The following LYST variants were observed in gnomAD, a reference collection of about 807,000 sequenced individuals.
LYST encodes lysosomal trafficking regulator.
In LYST, 192 loss-of-function variants were observed where a neutral mutation model predicts 413.6. The ratio of observed to expected loss-of-function variants is 0.46; its 90% CI spans 0.41 to 0.52. The LOEUF is 0.52. Ranked by LOEUF, LYST falls within the 20% of genes least tolerant of loss-of-function variation. LYST has a pLI of 0.00. For missense variants in LYST, 3,815 were observed against 4,499.9 expected (o/e 0.85, Z 4.35); for synonymous variants, 1,525 against 1,567.3 (o/e 0.97, Z 0.64).
intron 17 of LYST, among the ~76,000 whole-genome samples, chr1:235,775,508 C>G (rs1333338321): frequency 6.6e-6 from 1 of 152,160 alleles, no homozygotes; most frequent in Non-Finnish European, 1.5e-5. Flanking sequence ...ACATGTCCTG[C>G]CTTGTATGTC....
intron 45 of LYST, among the ~76,000 whole-genome samples, chr1:235,699,697 G>A (rs187871628): frequency 1.1e-4 from 17 of 152,204 alleles, no homozygotes; most frequent in Non-Finnish European, 2.1e-4. Flanking sequence ...TCCCACTAAC[G>A]GTGTAAAAGC....
Position 235,788,818 on chromosome 1 carries a change from T to A in LYST, c.4571A>T (p.Tyr1524Phe). The A allele has an allele frequency of 6.2e-7, 1 of 1,613,764 alleles. No individual in the cohort carries two copies. Among genetic ancestry groups the A allele is most frequent in the Non-Finnish European group, 8.5e-7 (1 of 1,179,694 alleles). ...TATGAGTCTTTCACCAGGATTTATG[T>A]ACTCTGCACCTTCTGGTCTGTCGCT... ...TESDRPEGAE[Y>F]INPGERLIEE... The change falls in exon 13 of 53, where the codon TAC becomes TTC. Residue 1524 changes from tyrosine (Y) to phenylalanine (F), a missense_variant. Tyr to Phe is a conservative substitution (Grantham distance 22, BLOSUM62 3). Coordinates refer to ENST00000389793, the MANE Select transcript of LYST (RefSeq NM_000081.4).
intron 29 of LYST, among the ~76,000 whole-genome samples, chr1:235,744,918 GAGAA>G (rs907311656): frequency 3.3e-5 from 5 of 150,206 alleles, no homozygotes; most frequent in Non-Finnish European, 7.4e-5. Context: ...AAAAAAAAGA[GAGAA>G]AGAAAAGTAA....
At chr1:235,687,797 T>G (rs1374326765) in intron 47 of LYST, among the ~76,000 whole-genome samples, 1 of 152,154 alleles carries the variant, frequency 6.6e-6, no homozygotes, top group Non-Finnish European at 1.5e-5. Context: ...CACCTCAACA[T>G]GTTTCCCTGT....
In LYST at chr1:235,755,553, A is replaced by C; in HGVS notation, c.7154T>G (p.Leu2385Arg). Residue 2385 changes from leucine (L) to arginine (R), a missense_variant, in exon 25 of 53, where the codon CTT (leucine) becomes CGT (arginine). Physicochemically the swap from Leu to Arg is moderately radical, Grantham distance 102. This residue lies in a region of LYST where 771 missense variants were observed against 837.1 expected (regional missense o/e 0.92). Coordinates refer to ENST00000389793, the MANE Select transcript of LYST (RefSeq NM_000081.4). ...TAACAATTCTTGAGTTCCTCGATGA[A>C]GATACAACTGGTTGGCTAGCAAGGA... is the stretch of plus-strand genomic sequence containing the variant. Reference protein sequence around the residue: ...GFSLLANQLYLHRGTQELLEC... With the variant: ...GFSLLANQLYRHRGTQELLEC... 6.2e-7 allele frequency: 1 copy of C among 1,613,368 alleles called. No homozygotes were observed.
chr1:235,823,071 T>C (rs1674937305), intron 3 of LYST, among the ~76,000 whole-genome samples: 2 of 152,234 alleles, frequency 1.3e-5, no homozygotes, highest in African/African-American at 4.8e-5. Flanking sequence ...CATTGTTTTA[T>C]GCCACTAAGT....
At chr1:235,756,169 G>C (rs571771071) in intron 24 of LYST, among the ~76,000 whole-genome samples, 8 of 151,968 alleles carry the variant, frequency 5.3e-5, no homozygotes, top group Non-Finnish European at 1.0e-4. Context: ...AATGCAACAC[G>C]TGTAATACCA....
chr1:235,663,504 A>C (rs929931383), intron 52 of LYST, among the ~76,000 whole-genome samples: 1 of 152,228 alleles, frequency 6.6e-6, no homozygotes, highest in Non-Finnish European at 1.5e-5. Flanking sequence ...AAAATGTAAC[A>C]TTAGTAATTA....
Position 235,843,016 on chromosome 1 carries a change from A to T in LYST, c.-97-9349T>A, listed in dbSNP as rs2103055718. 1.3e-5 allele frequency among the ~76,000 whole-genome samples: 2 copies of T among 152,282 alleles called. 1 individual carries two copies. The highest frequency in any genetic ancestry group is 6.8e-3 in the Middle Eastern group (2 of 294). Reference sequence around the variant, plus strand: ...CACTTTTAGGGCAGCTCCTCATATAATGGCATTTTTAGATGCCTTGTCATG... The same window carrying T: ...CACTTTTAGGGCAGCTCCTCATATATTGGCATTTTTAGATGCCTTGTCATG... On this transcript the variant is annotated intron_variant, in intron 1 of 52. Coordinates refer to ENST00000389793, the MANE Select transcript of LYST (RefSeq NM_000081.4).
At chr1:235,788,438 T>C (rs1000915777) in intron 13 of LYST, among the ~76,000 whole-genome samples, 7 of 152,198 alleles carry the variant, frequency 4.6e-5, no homozygotes, top group African/African-American at 1.7e-4. Context: ...TCTGCCTGCC[T>C]TGGCCTCCCA....
chr1:235,676,983 T>G (rs759051619), intron 50 of LYST, 108 bp downstream of exon 50: 139 of 792,740 alleles, frequency 1.8e-4, no homozygotes, highest in Non-Finnish European at 7.8e-5. Flanking sequence ...CCAAAGTATT[T>G]AGATCTGGCA....
intron 12 of LYST, 138 bp from the exon 13 acceptor site, chr1:235,788,983 C>G: frequency 1.3e-6 from 1 of 766,644 alleles, no homozygotes; most frequent in South Asian, 1.5e-5. Flanking sequence ...CTGACCTGTT[C>G]TAAACAACCA....
chr1:235,784,766 G>A (rs1670241538), intron 14 of LYST, among the ~76,000 whole-genome samples: 1 of 152,028 alleles, frequency 6.6e-6, no homozygotes, highest in South Asian at 2.1e-4. Context: ...AGGAGAAAGG[G>A]GCTCTCTACT....
intron 31 of LYST, among the ~76,000 whole-genome samples, chr1:235,741,059 CTGTTG>C (rs1665357149): frequency 6.6e-6 from 1 of 152,074 alleles, no homozygotes; most frequent in Non-Finnish European, 1.5e-5. Context: ...GTTATATATA[CTGTTG>C]TTTGAGCTAT....
At chr1:235,787,834 A>G (rs902194418) in intron 13 of LYST, among the ~76,000 whole-genome samples, 10 of 152,166 alleles carry the variant, frequency 6.6e-5, no homozygotes, top group Middle Eastern at 3.2e-3. Flanking sequence ...CAAAGTATAT[A>G]TTCCTAAATA....
intron 12 of LYST, among the ~76,000 whole-genome samples, chr1:235,789,600 A>G (rs898991125): frequency 3.3e-5 from 5 of 152,332 alleles, no homozygotes; most frequent in Admixed American, 3.3e-4. Flanking sequence ...TTTAAAGAAC[A>G]CTACTGCTTA....
At chr1:235,781,608 T>TA (rs933262614) in intron 15 of LYST, among the ~76,000 whole-genome samples, 3 of 152,156 alleles carry the variant, frequency 2.0e-5, no homozygotes, top group East Asian at 3.9e-4. Context: ...TTATCCAGTA[T>TA]AAAAAAACGC....
At chr1:235,858,925 G>A (rs1418870614) in intron 1 of LYST, among the ~76,000 whole-genome samples, 1 of 152,134 alleles carries the variant, frequency 6.6e-6, no homozygotes, top group African/African-American at 2.4e-5. Flanking sequence ...GCTGGCCTCT[G>A]TACATTTGTG....
chr1:235,849,333 T>C (rs1678253145), intron 1 of LYST, among the ~76,000 whole-genome samples: 1 of 152,010 alleles, frequency 6.6e-6, no homozygotes, highest in Non-Finnish European at 1.5e-5. Context: ...ATGATTAAAA[T>C]TCTCAGCAAA....
Sources: allele counts gnomAD v4.1 joint callset (sites outside exome capture counted in the v4.1 genomes callset), GRCh38; gene constraint gnomAD v4.1.1; regional missense constraint gnomAD v4.1.1; transcripts MANE v1.5; gene names NCBI Gene and HGNC (gene_info 2026-07-23, HGNC 2026-07-21).